Variants in PCDH11Y observed in about 807,000 individuals in gnomAD.
The protein encoded by PCDH11Y is protocadherin-11 Y-linked.
For synonymous variants in PCDH11Y, 9 were observed against 83.6 expected (o/e 0.11, Z 4.87); for missense variants, 12 against 224.8 (o/e 0.05, Z 6.05).
At chrY:5,236,623 A>G (rs2052975633) in intron 2 of PCDH11Y, among the ~76,000 whole-genome samples, 1 of 32,674 alleles carries the variant, frequency 3.1e-5, no homozygotes, top group Admixed American at 2.9e-4. Context: ...AGGCAAATCT[A>G]GCATATATCC....
chrY:5,343,787 T>A, intron 2 of PCDH11Y, among the ~76,000 whole-genome samples: 1 of 30,080 alleles, frequency 3.3e-5, no homozygotes, highest in Admixed American at 3.2e-4. Context: ...TCCAGCTAAT[T>A]TTTTTAATTT....
chrY:5,579,673 T>C, intron 3 of PCDH11Y, among the ~76,000 whole-genome samples: 4 of 32,514 alleles, frequency 1.2e-4, no homozygotes, highest in Non-Finnish European at 2.3e-4. Context: ...TTGGTTGGAT[T>C]ATTTATTTTA....
intron 2 of PCDH11Y, among the ~76,000 whole-genome samples, chrY:5,295,743 T>C (rs1602900459): frequency 6.0e-5 from 2 of 33,431 alleles, no homozygotes; most frequent in South Asian, 1.3e-3. Flanking sequence ...GCATGCTTCA[T>C]AGTTTTTTAT....
chrY:5,653,569 C>T, intron 4 of PCDH11Y, among the ~76,000 whole-genome samples: 4 of 32,406 alleles, frequency 1.2e-4, no homozygotes, highest in Non-Finnish European at 2.3e-4. Flanking sequence ...AGAAAAAAAG[C>T]GTAAAAATAA....
At chrY:5,588,858 T>A in intron 4 of PCDH11Y, among the ~76,000 whole-genome samples, 1 of 32,929 alleles carries the variant, frequency 3.0e-5, no homozygotes, top group Non-Finnish European at 7.5e-5. Flanking sequence ...TTTGGGCTTC[T>A]TATACTTGGA....
chrY:5,379,167 CATT>C (rs2053202464), intron 2 of PCDH11Y, among the ~76,000 whole-genome samples: 4 of 32,830 alleles, frequency 1.2e-4, no homozygotes, highest in African/African-American at 4.7e-4. Context: ...GATTTCATTC[CATT>C]ATTAATCAAG....
At position 5,612,496 on chromosome Y, in the gene PCDH11Y, C is replaced by T. The variant is rs1602951402; in HGVS notation, c.3352+30698C>T. Reference sequence around the variant, plus strand: ...TTTCATTTTAGTAAGAACTTCAAAGCAAGATGAATAAGCCCTAGAGATCTG... The same window carrying T: ...TTTCATTTTAGTAAGAACTTCAAAGTAAGATGAATAAGCCCTAGAGATCTG... On this transcript the variant is annotated intron_variant, in intron 4 of 4. Coordinates refer to the PCDH11Y transcript ENST00000400457. 1.3e-4 allele frequency among the ~76,000 whole-genome samples: 4 copies of T among 31,640 alleles called. No homozygotes were observed. In the East Asian group the frequency reaches 3.4e-3, roughly 27 times the overall value. 84.9% of individuals were successfully genotyped at this position (31,640 alleles called of 37,273 possible). A position where few individuals can be genotyped will look rare whatever the true frequency, so the allele number is the denominator to read the frequency against.
intron 3 of PCDH11Y, among the ~76,000 whole-genome samples, chrY:5,045,728 C>T (rs1602848015): frequency 3.0e-5 from 1 of 33,214 alleles, no homozygotes; most frequent in Admixed American, 2.8e-4. Flanking sequence ...GTTCCATTCT[C>T]CCCATCACTT....
chrY:5,110,448 A>T, intron 2 of PCDH11Y, among the ~76,000 whole-genome samples: 1 of 32,786 alleles, frequency 3.1e-5, no homozygotes, highest in African/African-American at 1.2e-4. Context: ...TCTCAAAAAA[A>T]TTTTTTAAAA....
At chrY:5,045,472 G>A (rs2052633359) in intron 3 of PCDH11Y, among the ~76,000 whole-genome samples, 1 of 32,895 alleles carries the variant, frequency 3.0e-5, no homozygotes, top group African/African-American at 1.2e-4. Context: ...GGTTTCTGCC[G>A]CGAGATCTGC....
chrY:5,262,712 A>G (rs9786152), intron 2 of PCDH11Y, among the ~76,000 whole-genome samples: 4,881 of 31,891 alleles, frequency 0.15, no homozygotes, highest in African/African-American at 0.59. Flanking sequence ...AGAAAATCTC[A>G]TTTTCTGAGG....
At chrY:5,740,536 G>A in exon 5 of PCDH11Y, 1 of 33,122 alleles carries the variant, frequency 3.0e-5, no homozygotes, top group Non-Finnish European at 7.5e-5. Context: ...AGTAGCCAAA[G>A]AGGCAAGGGG....
At chrY:5,046,655 G>C in intron 3 of PCDH11Y, among the ~76,000 whole-genome samples, 8 of 34,002 alleles carry the variant, frequency 2.4e-4, no homozygotes, top group South Asian at 6.6e-4. Flanking sequence ...TGGAGCTTCC[G>C]GGCTGCTTTG....
At chrY:5,272,491 A>G (rs2124659700) in intron 2 of PCDH11Y, among the ~76,000 whole-genome samples, 1 of 33,132 alleles carries the variant, frequency 3.0e-5, no homozygotes, top group South Asian at 6.8e-4. Flanking sequence ...CATTCCTTTT[A>G]TGGATGAGCT....
chrY:5,031,501 A>G (rs2052590175), intron 1 of PCDH11Y, among the ~76,000 whole-genome samples: 1 of 33,001 alleles, frequency 3.0e-5, no homozygotes, highest in East Asian at 7.8e-4. Context: ...AAGATGTCAT[A>G]TTTTCCACAT....
At chrY:5,201,002 A>AT (rs2052926265) in intron 2 of PCDH11Y, among the ~76,000 whole-genome samples, 1 of 33,543 alleles carries the variant, frequency 3.0e-5, no homozygotes. Context: ...CTATAAGGGT[A>AT]TTGAATGATA....
intron 4 of PCDH11Y, among the ~76,000 whole-genome samples, chrY:5,598,378 A>G: frequency 3.0e-5 from 1 of 33,089 alleles, no homozygotes; most frequent in African/African-American, 1.2e-4. Flanking sequence ...ATTAGTAATT[A>G]ATGATAAGAA....
chrY:5,126,962 A>G (rs2052826252), intron 2 of PCDH11Y, among the ~76,000 whole-genome samples: 1 of 32,584 alleles, frequency 3.1e-5, no homozygotes, highest in African/African-American at 1.2e-4. Flanking sequence ...TAATTCACAA[A>G]GAAACACTGG....
At chrY:5,535,895 A>AT (rs2053399774) in intron 3 of PCDH11Y, among the ~76,000 whole-genome samples, 30 of 31,678 alleles carry the variant, frequency 9.5e-4, no homozygotes, top group African/African-American at 3.3e-3. Context: ...GCCAACGTCT[A>AT]TTTTTTTTAT....
Sources: allele counts gnomAD v4.1 joint callset (sites outside exome capture counted in the v4.1 genomes callset), GRCh38; gene constraint gnomAD v4.1.1; transcripts MANE v1.5; gene names NCBI Gene and HGNC (gene_info 2026-07-23, HGNC 2026-07-21).